Variants in HERC2 observed in about 807,000 individuals in gnomAD.
HERC2 encodes the protein E3 ubiquitin-protein ligase HERC2.
In HERC2, 102 loss-of-function variants were observed where a neutral mutation model predicts 537.7. The observed-to-expected ratio is 0.19, with a 90% confidence interval of 0.16 to 0.22. The LOEUF is 0.22. Ranked by LOEUF, HERC2 falls within the 10% of genes least tolerant of loss-of-function variation. The pLI is 1.00. For synonymous variants in HERC2, 2,224 were observed against 2,466.2 expected (o/e 0.90, Z 2.91); for missense variants, 4,236 against 6,198.2 (o/e 0.68, Z 10.63).
At chr15:28,318,326 A>G (rs1370186566) in intron 2 of HERC2, among the ~76,000 whole-genome samples, 2 of 152,110 alleles carry the variant, frequency 1.3e-5, no homozygotes, top group Admixed American at 1.3e-4. Context: ...CCACACACCA[A>G]GCAGAAAAGT....
Position 28,217,038 on chromosome 15 carries a change from C to T in HERC2, c.6029-1236G>A, listed in dbSNP as rs375534803. Among the ~76,000 whole-genome samples the T allele has an allele frequency of 1.0e-3, 152 of 152,268 alleles. 3 individuals are homozygous for T. In the South Asian group the frequency reaches 0.029, roughly 29 times the overall value. On this transcript the variant is annotated intron_variant, in intron 38 of 92. Coordinates refer to ENST00000261609, the MANE Select transcript of HERC2 (RefSeq NM_004667.6). ...CACACGCATTCACAATAACATCACTCGTGCTCACACTGACACAAGGCACTC... is the reference window on the plus strand; with the variant it reads ...CACACGCATTCACAATAACATCACTTGTGCTCACACTGACACAAGGCACTC...
Position 28,167,684 on chromosome 15 carries a change from C to T in HERC2, c.10554+3G>A. On this transcript the variant is annotated splice_donor_region_variant and intron_variant, in intron 68 of 92. Transcript: ENST00000261609. ...ACAAAGTTAAAGAAGAACGCCTCTTCACCTCTTTGGTTTTGGTCATGGTTT... is the reference window on the plus strand; with the variant it reads ...ACAAAGTTAAAGAAGAACGCCTCTTTACCTCTTTGGTTTTGGTCATGGTTT... 6.2e-7 allele frequency: 1 copy of T among 1,614,096 alleles called. No homozygotes were observed. Among genetic ancestry groups the T allele is most frequent in the Non-Finnish European group, 8.5e-7 (1 of 1,179,998 alleles).
intron 2 of HERC2, among the ~76,000 whole-genome samples, chr15:28,308,142 G>A (rs1469154979): frequency 6.6e-6 from 1 of 152,132 alleles, no homozygotes; most frequent in Non-Finnish European, 1.5e-5. Flanking sequence ...ATTGCTTTGG[G>A]TAGTATGGAC....
At chr15:28,199,974 C>A (rs536207541) in intron 48 of HERC2, among the ~76,000 whole-genome samples, 5 of 152,226 alleles carry the variant, frequency 3.3e-5, no homozygotes, top group East Asian at 1.9e-4. Context: ...GTGTCCCCCC[C>A]ACCAAAATTC....
rs561240043 is a variant in HERC2, at chr15:28,228,140, AAAAAGAAAAG to A, written c.5464+68_5464+77del. The A allele has an allele frequency of 3.8e-6, 5 of 1,304,252 alleles. No individual in the cohort carries two copies. In the East Asian group the frequency reaches 1.2e-4, roughly 32 times the overall value. The allele number at this position is 1,304,252 out of a possible 1,614,324, so 80.8% of individuals were successfully genotyped here. A position where few individuals can be genotyped will look rare whatever the true frequency, so the allele number is the denominator to read the frequency against. On this transcript the variant is annotated intron_variant, in intron 35 of 92. Coordinates refer to ENST00000261609, the MANE Select transcript of HERC2 (RefSeq NM_004667.6). The stretch of plus-strand genomic sequence containing the variant: ...TTTACAAAAAGCTTTAAAAAAAAAA[AAAAAGAAAAG>A]AAAAGAAAAGAAATCAAAGCAAAAT...
At chr15:28,315,862 C>T (rs1227640719) in intron 2 of HERC2, 3 of 554,024 alleles carry the variant, frequency 5.4e-6, no homozygotes, top group African/African-American at 1.9e-5. Context: ...GGACTGCATG[C>T]CACTGTCTAG....
chr15:28,139,896 T>TAAA (rs758739007), intron 78 of HERC2, among the ~76,000 whole-genome samples: 25 of 125,906 alleles, frequency 2.0e-4, no homozygotes, highest in African/African-American at 7.7e-4. Flanking sequence ...CCATCTCTAC[T>TAAA]AAAAAAAAAA....
At position 28,116,723 on chromosome 15, in the gene HERC2, G is replaced by A. The variant is rs1888300725; in HGVS notation, c.13551C>T (p.Cys4517=). 6.2e-7 allele frequency: 1 copy of A among 1,613,988 alleles called. No individual in the cohort carries two copies. The highest frequency in any genetic ancestry group is 8.5e-7 in the Non-Finnish European group (1 of 1,180,020). The change falls in exon 88 of 93, where the codon TGC becomes TGT. Residue 4517 remains cysteine (C), a synonymous_variant. Coordinates refer to ENST00000261609, the MANE Select transcript of HERC2 (RefSeq NM_004667.6). ...CTCTGGCGGCCGGGCTGAGCAGGTA[G>A]CAGTCTCGGTTGGCCCCAGACTCAT... The part of the protein sequence containing the change: ...GRDESGANRD[C]YLLSPAARAP...
chr15:28,140,364 GT>G (rs1482269795), intron 78 of HERC2, among the ~76,000 whole-genome samples: 1 of 152,100 alleles, frequency 6.6e-6, no homozygotes, highest in African/African-American at 2.4e-5. Context: ...TAAAAGAGAG[GT>G]AGGCTAGACA....
At chr15:28,289,114 T>C (rs1301466766) in intron 4 of HERC2, among the ~76,000 whole-genome samples, 9 of 151,914 alleles carry the variant, frequency 5.9e-5, no homozygotes, top group Admixed American at 3.3e-4. Flanking sequence ...CCAGAGATGA[T>C]AGATTTAAAC....
chr15:28,269,407 C>A lies in HERC2; in HGVS notation c.1287G>T (p.Gly429=), dbSNP rs1245929012. Residue 429 remains glycine, a synonymous_variant, in exon 11 of 93, where the codon GGG becomes GGT. Coordinates refer to ENST00000261609, the MANE Select transcript of HERC2 (RefSeq NM_004667.6). ...KGSLQEVIGW[G]LIGWKYYANV... ...TGGCATAGTATTTCCATCCTATTAACCCCCAACCTATGACCTCTTGCAATG... is the reference window on the plus strand; with the variant it reads ...TGGCATAGTATTTCCATCCTATTAAACCCCAACCTATGACCTCTTGCAATG... 1.2e-6 allele frequency: 2 copies of A among 1,614,044 alleles called. No homozygotes were observed. Among genetic ancestry groups the A allele is most frequent in the Non-Finnish European group, 1.7e-6 (2 of 1,179,898 alleles).
chr15:28,186,140 C>T (rs1896287432), intron 56 of HERC2, among the ~76,000 whole-genome samples: 2 of 152,040 alleles, frequency 1.3e-5, no homozygotes, highest in Non-Finnish European at 2.9e-5. Context: ...GAACTGTACA[C>T]TTAAAATGGT....
intron 3 of HERC2, among the ~76,000 whole-genome samples, chr15:28,297,974 G>A (rs1208573583): frequency 6.7e-6 from 1 of 148,558 alleles, no homozygotes; most frequent in East Asian, 2.1e-4. Context: ...AGGTGGGTCT[G>A]CAGCCACTCA....
In HERC2 at chr15:28,144,674, A is replaced by T; in HGVS notation, c.11139T>A (p.Ala3713=). 1 of 1,614,156 alleles carries T rather than the reference A, an allele frequency of 6.2e-7. No individual in the cohort carries two copies. The highest frequency in any genetic ancestry group is 1.1e-5 in the South Asian group (1 of 91,082). Residue 3713 remains alanine, a splice_region_variant and synonymous_variant, in exon 72 of 93, where the codon GCT becomes GCA. Transcript: ENST00000261609. ...RFTVYPIMPA[A]GPKELLSDRC... is the part of the protein sequence containing the mutation. ...GATCGCCATAAGCCCCTTCCTTACC[A>T]GCAGCTGGCATGATGGGATAGACGG...
chr15:28,182,314 T>G, intron 57 of HERC2, 87 bp downstream of exon 57: 1 of 808,328 alleles, frequency 1.2e-6, no homozygotes, highest in Non-Finnish European at 2.1e-6. Flanking sequence ...ATACAACATA[T>G]AGAGAGTAAA....
intron 44 of HERC2, among the ~76,000 whole-genome samples, chr15:28,209,568 C>T (rs1898899625): frequency 6.6e-6 from 1 of 152,202 alleles, no homozygotes; most frequent in Non-Finnish European, 1.5e-5. Flanking sequence ...TGGTCTCGAT[C>T]TCCTGACCTC....
At chr15:28,298,882 A>G (rs1453329884) in intron 3 of HERC2, among the ~76,000 whole-genome samples, 1 of 152,122 alleles carries the variant, frequency 6.6e-6, no homozygotes, top group Non-Finnish European at 1.5e-5. Flanking sequence ...AATACTTTCT[A>G]AAGTGGTAGC....
chr15:28,250,613 G>A (rs200386488), intron 20 of HERC2, among the ~76,000 whole-genome samples: 3 of 152,276 alleles, frequency 2.0e-5, no homozygotes, highest in East Asian at 1.9e-4. Context: ...TCTGAAATAC[G>A]TTTCACGGCT....
chr15:28,167,567 T>G, intron 68 of HERC2, 120 bp downstream of exon 68: 1 of 1,212,732 alleles, frequency 8.2e-7, no homozygotes, highest in South Asian at 1.3e-5. Flanking sequence ...TGCTAACAAG[T>G]GGACAGCCGA....
Sources: allele counts gnomAD v4.1 joint callset (sites outside exome capture counted in the v4.1 genomes callset), GRCh38; gene constraint gnomAD v4.1.1; transcripts MANE v1.5; gene names NCBI Gene and HGNC (gene_info 2026-07-23, HGNC 2026-07-21).